The following RALB variants were observed in gnomAD, a reference collection of about 807,000 sequenced individuals.
The protein encoded by RALB is ras-related protein Ral-B.
A neutral mutation model predicts 21.3 loss-of-function variants in RALB; 16 were observed. That is an observed-to-expected ratio of 0.75 (90% CI 0.51 to 1.14). The LOEUF (loss-of-function observed/expected upper bound fraction) is 1.14, where lower values mean the gene tolerates loss of function less well. Ranked by LOEUF, RALB falls within the 50% of genes most tolerant of loss-of-function variation. The pLI, the probability that RALB is intolerant of heterozygous loss-of-function variation, is 0.00. For synonymous variants in RALB, 93 were observed against 96.1 expected (o/e 0.97, Z 0.19); for missense variants, 161 against 256.2 (o/e 0.63, Z 2.54).
At chr2:120,280,348 T>G (rs1262385118) in intron 2 of RALB, among the ~76,000 whole-genome samples, 1 of 152,084 alleles carries the variant, frequency 6.6e-6, no homozygotes, top group Non-Finnish European at 1.5e-5. Flanking sequence ...ATGTGGCACA[T>G]ATACACCATG....
At chr2:120,283,403 C>G (rs1037913630) in intron 2 of RALB, among the ~76,000 whole-genome samples, 1 of 152,224 alleles carries the variant, frequency 6.6e-6, no homozygotes, top group Non-Finnish European at 1.5e-5. Context: ...TCTAAAGTCT[C>G]CTGCACCATT....
At chr2:120,282,365 C>G (rs1690009242) in intron 2 of RALB, among the ~76,000 whole-genome samples, 1 of 151,990 alleles carries the variant, frequency 6.6e-6, no homozygotes, top group African/African-American at 2.4e-5. Context: ...GTAATCCCAG[C>G]TACTTGGGAG....
chr2:120,277,953 G>C (rs894633753), intron 1 of RALB, among the ~76,000 whole-genome samples: 1 of 148,534 alleles, frequency 6.7e-6, no homozygotes, highest in Non-Finnish European at 1.5e-5. Context: ...GTGAATGTGT[G>C]AATGTGAGTG....
chr2:120,252,987 G>C lies in RALB; in HGVS notation c.-48+7G>C. ...GCGGCGGGACTGGTCCCTGGTAAGGGCGCGGCGCCCGCGGGCCCCGGGCGG... is the reference window on the plus strand; with the variant it reads ...GCGGCGGGACTGGTCCCTGGTAAGGCCGCGGCGCCCGCGGGCCCCGGGCGG... On this transcript the variant is annotated splice_region_variant and intron_variant, in intron 1 of 4. Transcript: ENST00000272519. 1 of 985,098 alleles carries C rather than the reference G, an allele frequency of 1.0e-6. No homozygotes were observed. The highest frequency in any genetic ancestry group is 1.2e-6 in the Non-Finnish European group (1 of 829,886). 61.0% of individuals were successfully genotyped at this position (985,098 alleles called of 1,614,324 possible).
chr2:120,280,069 G>A (rs1689949050), intron 2 of RALB, among the ~76,000 whole-genome samples: 2 of 152,182 alleles, frequency 1.3e-5, no homozygotes, highest in Admixed American at 6.5e-5. Flanking sequence ...GGCCAGGGGT[G>A]GATCCTGATG....
At chr2:120,287,306 G>C (rs1305993922) in intron 3 of RALB, among the ~76,000 whole-genome samples, 9 of 152,184 alleles carry the variant, frequency 5.9e-5, no homozygotes, top group Admixed American at 1.3e-4. Flanking sequence ...ATAGCTCCAG[G>C]CTTCAGAGTC....
intron 1 of RALB, among the ~76,000 whole-genome samples, chr2:120,256,239 A>G (rs1371094090): frequency 6.6e-6 from 1 of 152,198 alleles, no homozygotes; most frequent in Non-Finnish European, 1.5e-5. Flanking sequence ...CCTCAGTTCT[A>G]CACCATGTGG....
At chr2:120,278,153 TGTGAGTGTGTGC>T (rs1303946419) in intron 1 of RALB, among the ~76,000 whole-genome samples, 1 of 151,588 alleles carries the variant, frequency 6.6e-6, no homozygotes, top group African/African-American at 2.4e-5. Flanking sequence ...GTGAGCGTGT[TGTGAGTGTGTGC>T]GTGTTGTGGG....
At chr2:120,268,856 A>C (rs908811029) in intron 1 of RALB, among the ~76,000 whole-genome samples, 3 of 152,230 alleles carry the variant, frequency 2.0e-5, no homozygotes, top group African/African-American at 7.2e-5. Flanking sequence ...AAAGGAAAGA[A>C]AAGAAGGAAA....
chr2:120,269,498 AG>A (rs60139797), intron 1 of RALB, among the ~76,000 whole-genome samples: 36,067 of 151,926 alleles, frequency 0.24, 6,682 homozygotes, highest in African/African-American at 0.52. Flanking sequence ...TCCATTTTAC[AG>A]AGTGCTGATT....
chr2:120,294,020 A>G lies in RALB; in HGVS notation c.*760A>G, dbSNP rs1441285835. ...AGGAATGGTGTGCATTATAAATGAC[A>G]CACATTGCCACTTGTGTAGATATTT... On this transcript the variant is annotated 3_prime_UTR_variant, in exon 5 of 5. Transcript: ENST00000272519. The G allele has an allele frequency of 1.0e-5, 4 of 397,516 alleles. No individual in the cohort carries two copies. The highest frequency in any genetic ancestry group is 1.8e-5 in the Non-Finnish European group (4 of 225,930). 24.6% of individuals were successfully genotyped at this position (397,516 alleles called of 1,614,324 possible).
intron 1 of RALB, among the ~76,000 whole-genome samples, chr2:120,260,330 C>T (rs1252052526): frequency 6.6e-6 from 1 of 152,216 alleles, no homozygotes; most frequent in East Asian, 1.9e-4. Flanking sequence ...GTAGTGACTT[C>T]AGTAGCTAAT....
chr2:120,273,272 A>G (rs1689711683), intron 1 of RALB, among the ~76,000 whole-genome samples: 1 of 152,220 alleles, frequency 6.6e-6, no homozygotes, highest in Non-Finnish European at 1.5e-5. Context: ...ATAGGGGTGT[A>G]GAAAATGGTG....
At chr2:120,255,144 G>C (rs376962839) in intron 1 of RALB, among the ~76,000 whole-genome samples, 1 of 152,194 alleles carries the variant, frequency 6.6e-6, no homozygotes, top group East Asian at 1.9e-4. Context: ...AAGAGATCTA[G>C]GTGAACTCTG....
intron 1 of RALB, among the ~76,000 whole-genome samples, chr2:120,263,458 T>G (rs1375725672): frequency 6.6e-6 from 1 of 152,270 alleles, no homozygotes; most frequent in African/African-American, 2.4e-5. Context: ...GTGCCCAGGC[T>G]AGAATGATAT....
intron 1 of RALB, among the ~76,000 whole-genome samples, chr2:120,267,680 C>T (rs1250562576): frequency 6.6e-6 from 1 of 152,180 alleles, no homozygotes; most frequent in Non-Finnish European, 1.5e-5. Flanking sequence ...TCCACAGCAC[C>T]AGCTGAGTGG....
intron 1 of RALB, among the ~76,000 whole-genome samples, chr2:120,242,127 C>T (rs1477385405): frequency 1.3e-5 from 2 of 152,198 alleles, no homozygotes; most frequent in Non-Finnish European, 1.5e-5. Flanking sequence ...ACCTTGAGGA[C>T]ATTATGCTAA....
At chr2:120,250,215 A>G (rs1417214430), upstream of RALB, among the ~76,000 whole-genome samples, 2 of 152,162 alleles carry the variant, frequency 1.3e-5, no homozygotes, top group East Asian at 3.8e-4. Flanking sequence ...AGTAACAAAC[A>G]ACTCCCACAT....
chr2:120,273,832 C>CGGAA (rs1689725555), intron 1 of RALB, among the ~76,000 whole-genome samples: 1 of 152,214 alleles, frequency 6.6e-6, no homozygotes, highest in African/African-American at 2.4e-5. Flanking sequence ...GCACCTCTAC[C>CGGAA]TTCCCTGTTC....
Sources: allele counts gnomAD v4.1 joint callset (sites outside exome capture counted in the v4.1 genomes callset), GRCh38; gene constraint gnomAD v4.1.1; transcripts MANE v1.5; gene names NCBI Gene and HGNC (gene_info 2026-07-23, HGNC 2026-07-21).